Variants in KIAA1549L observed in about 807,000 individuals in gnomAD.
KIAA1549L encodes the protein KIAA1549 like, also known as UPF0606 protein KIAA1549L.
KIAA1549L carries 88 observed loss-of-function variants against 160.7 expected under a neutral mutation model. That is an observed-to-expected ratio of 0.55 (90% CI 0.46 to 0.65). The LOEUF is 0.65. Ranked by LOEUF, KIAA1549L falls within the 30% of genes least tolerant of loss-of-function variation. The pLI, the probability that KIAA1549L is intolerant of heterozygous loss-of-function variation, is 0.00. For missense variants in KIAA1549L, 2,258 were observed against 2,437.5 expected, an observed-to-expected ratio of 0.93 and a Z score of 1.55; for synonymous variants, 950 against 976.7, an observed-to-expected ratio of 0.97 and a Z score of 0.51.
intron 1 of KIAA1549L, among the ~76,000 whole-genome samples, chr11:33,480,408 G>T (rs1476839295): frequency 6.6e-6 from 1 of 152,086 alleles, no homozygotes; most frequent in Non-Finnish European, 1.5e-5. Context: ...GTATAGATGG[G>T]CTTTACTTTA....
intron 11 of KIAA1549L, among the ~76,000 whole-genome samples, chr11:33,585,323 A>AG (rs1290676722): frequency 8.5e-5 from 13 of 152,178 alleles, no homozygotes; most frequent in African/African-American, 3.1e-4. Flanking sequence ...GTTTGAGACT[A>AG]GCCTGACCAA....
chr11:33,574,495 A>G (rs747639444), intron 9 of KIAA1549L, among the ~76,000 whole-genome samples: 60 of 152,162 alleles, frequency 3.9e-4, no homozygotes, highest in Non-Finnish European at 2.1e-4. Flanking sequence ...AGATGTTCGT[A>G]TTTTTCAAAC....
rs1342264930 is a variant in KIAA1549L, at chr11:33,606,707, C to T, written c.4946C>T (p.Pro1649Leu). ...FDNSSKVAAE[P>L]FDTSSGSVQL... ...AACTCCAGCAAGGTGGCCGCTGAAC[C>T]CTTTGACACATCTTCTGGGTCTGTG... Residue 1649 changes from proline to leucine, a missense_variant, in exon 14 of 21, where the codon CCC (proline) becomes CTC (leucine). By Grantham distance (98) the Pro-to-Leu change is moderately conservative (BLOSUM62 -3). Around this residue, in one of 6 missense-constraint regions of KIAA1549L, gnomAD observed 1,359 missense variants for 1,546.6 expected, o/e 0.88. Transcript: ENST00000658780. 6.2e-7 allele frequency: 1 copy of T among 1,613,798 alleles called. No homozygotes were observed. The highest frequency in any genetic ancestry group is 8.5e-7 in the Non-Finnish European group (1 of 1,179,876).
chr11:33,431,925 T>C (rs980013814), intron 1 of KIAA1549L, among the ~76,000 whole-genome samples: 30 of 152,200 alleles, frequency 2.0e-4, no homozygotes, highest in Non-Finnish European at 1.0e-4. Context: ...GAAATCGAGC[T>C]CAGCGCTGGT....
At chr11:33,462,557 T>C (rs958186967) in intron 1 of KIAA1549L, among the ~76,000 whole-genome samples, 12 of 152,342 alleles carry the variant, frequency 7.9e-5, no homozygotes, top group African/African-American at 2.6e-4. Flanking sequence ...TGTCCATCTT[T>C]ACTGTCACTG....
At chr11:33,581,310 C>T (rs1855634993) in intron 10 of KIAA1549L, among the ~76,000 whole-genome samples, 2 of 152,014 alleles carry the variant, frequency 1.3e-5, no homozygotes, top group East Asian at 3.9e-4. Context: ...GAATGGATGC[C>T]TTCTCCTTTC....
chr11:33,478,993 C>CAAA (rs1852352522), intron 1 of KIAA1549L, among the ~76,000 whole-genome samples: 1 of 152,144 alleles, frequency 6.6e-6, no homozygotes, highest in Non-Finnish European at 1.5e-5. Context: ...CATGTTGCCC[C>CAAA]TAAGGTTACT....
At chr11:33,632,813 C>A (rs989063046) in intron 16 of KIAA1549L, among the ~76,000 whole-genome samples, 2 of 151,876 alleles carry the variant, frequency 1.3e-5, no homozygotes, top group Non-Finnish European at 2.9e-5. Flanking sequence ...AGAGGCTGGC[C>A]TAGAACTCCT....
intron 1 of KIAA1549L, among the ~76,000 whole-genome samples, chr11:33,526,124 C>T (rs578143938): frequency 5.9e-5 from 9 of 152,244 alleles, no homozygotes; most frequent in African/African-American, 2.2e-4. Flanking sequence ...AAGTACTTAA[C>T]TTGGCCAACA....
At chr11:33,421,196 G>T (rs1373113230) in intron 1 of KIAA1549L, among the ~76,000 whole-genome samples, 1 of 131,062 alleles carries the variant, frequency 7.6e-6, no homozygotes, top group Non-Finnish European at 1.6e-5. Context: ...TGGAGGGGAA[G>T]ATTGCACTGA....
At chr11:33,631,557 T>C (rs1453243167) in intron 16 of KIAA1549L, among the ~76,000 whole-genome samples, 1 of 152,184 alleles carries the variant, frequency 6.6e-6, no homozygotes. Flanking sequence ...CCCCTCCCAG[T>C]TGTGACAACC....
chr11:33,461,246 G>A (rs1425614035), intron 1 of KIAA1549L, among the ~76,000 whole-genome samples: 1 of 152,018 alleles, frequency 6.6e-6, no homozygotes, highest in East Asian at 1.9e-4. Flanking sequence ...TGATAGGCTG[G>A]CGTAATGGTA....
At chr11:33,406,172 G>T (rs1182381336) in intron 1 of KIAA1549L, among the ~76,000 whole-genome samples, 1 of 152,158 alleles carries the variant, frequency 6.6e-6, no homozygotes, top group Non-Finnish European at 1.5e-5. Flanking sequence ...TTTTGTTGTT[G>T]TGAATATAAC....
At chr11:33,511,963 G>A (rs1353563487) in intron 1 of KIAA1549L, among the ~76,000 whole-genome samples, 4 of 152,280 alleles carry the variant, frequency 2.6e-5, no homozygotes, top group Admixed American at 1.3e-4. Flanking sequence ...CTGCGATTAG[G>A]TTGAAAGTGA....
chr11:33,522,749 A>G (rs538957723), intron 1 of KIAA1549L, among the ~76,000 whole-genome samples: 1 of 152,264 alleles, frequency 6.6e-6, no homozygotes, highest in Non-Finnish European at 1.5e-5. Flanking sequence ...TATTTAAAAA[A>G]TTAGTTGGGC....
intron 12 of KIAA1549L, among the ~76,000 whole-genome samples, chr11:33,597,149 C>G (rs1028191421): frequency 6.6e-6 from 1 of 152,140 alleles, no homozygotes; most frequent in Non-Finnish European, 1.5e-5. Flanking sequence ...CTGATCAGAG[C>G]CTTTGATATG....
At chr11:33,606,114 A>G (rs978987200) in intron 13 of KIAA1549L, among the ~76,000 whole-genome samples, 7 of 148,762 alleles carry the variant, frequency 4.7e-5, no homozygotes, top group Non-Finnish European at 1.1e-4. Flanking sequence ...TGGGGAAACA[A>G]CCTTCAGAAG....
chr11:33,581,312 TCTC>T (rs1278344224), intron 10 of KIAA1549L, among the ~76,000 whole-genome samples: 1 of 152,180 alleles, frequency 6.6e-6, no homozygotes, highest in Non-Finnish European at 1.5e-5. Context: ...ATGGATGCCT[TCTC>T]CTTTCAACAT....
chr11:33,486,869 T>C (rs964883445), intron 1 of KIAA1549L, among the ~76,000 whole-genome samples: 2 of 152,188 alleles, frequency 1.3e-5, no homozygotes, highest in African/African-American at 4.8e-5. Context: ...CTCAGCGTTG[T>C]TCTACCCAAG....
Sources: allele counts gnomAD v4.1 joint callset (sites outside exome capture counted in the v4.1 genomes callset), GRCh38; gene constraint gnomAD v4.1.1; regional missense constraint gnomAD v4.1.1; transcripts MANE v1.5; gene names NCBI Gene and HGNC (gene_info 2026-07-23, HGNC 2026-07-21).